The following ZPBP variants were observed in gnomAD, a reference collection of about 807,000 sequenced individuals.
The protein encoded by ZPBP is zona pellucida binding protein.
A neutral mutation model predicts 44.8 loss-of-function variants in ZPBP; 26 were observed. The observed-to-expected ratio is 0.58, with a 90% CI of 0.43 to 0.81. The LOEUF (loss-of-function observed/expected upper bound fraction) is 0.81, where lower values mean the gene tolerates loss of function less well. Ranked by LOEUF, ZPBP falls within the 30% of genes least tolerant of loss-of-function variation. The pLI is 0.00. For synonymous variants in ZPBP, 174 were observed against 153.2 expected (o/e 1.14, Z -1.00); for missense variants, 409 against 434.0 (o/e 0.94, Z 0.51).
At chr7:50,077,804 T>C (rs537413533) in intron 3 of ZPBP, among the ~76,000 whole-genome samples, 1 of 152,038 alleles carries the variant, frequency 6.6e-6, no homozygotes, top group Non-Finnish European at 1.5e-5. Flanking sequence ...GAATGTAAAC[T>C]AGTACAACCA....
intron 1 of ZPBP, among the ~76,000 whole-genome samples, chr7:49,922,820 G>A (rs181880235): frequency 3.9e-5 from 6 of 152,210 alleles, no homozygotes; most frequent in Non-Finnish European, 7.4e-5. Context: ...ACAACAATAG[G>A]TTCAGAATCA....
intron 7 of ZPBP, among the ~76,000 whole-genome samples, chr7:49,942,088 C>A (rs1437839745): frequency 1.3e-5 from 2 of 152,018 alleles, no homozygotes; most frequent in Non-Finnish European, 2.9e-5. Context: ...GATTCTTAGA[C>A]CATATACAAA....
At chr7:49,957,002 G>A (rs1302990440) in intron 7 of ZPBP, among the ~76,000 whole-genome samples, 1 of 152,150 alleles carries the variant, frequency 6.6e-6, no homozygotes, top group Non-Finnish European at 1.5e-5. Context: ...AGATCCTTAA[G>A]AGGTGATTAG....
At chr7:49,981,341 T>C (rs1796881034) in intron 7 of ZPBP, among the ~76,000 whole-genome samples, 2 of 27,824 alleles carry the variant, frequency 7.2e-5, no homozygotes, top group African/African-American at 3.8e-4. Context: ...TAATTATATA[T>C]ATTATATAAT....
At chr7:49,985,810 C>A (rs773129850) in intron 6 of ZPBP, among the ~76,000 whole-genome samples, 1 of 152,174 alleles carries the variant, frequency 6.6e-6, no homozygotes, top group African/African-American at 2.4e-5. Context: ...CTTGTCTGCA[C>A]ATGCTGGCAA....
intron 1 of ZPBP, 73 bp downstream of exon 1, chr7:50,092,995 G>A (rs1562624740): frequency 6.4e-7 from 1 of 1,550,668 alleles, no homozygotes; most frequent in East Asian, 2.4e-5. Flanking sequence ...CGTGACACAA[G>A]AAAAGGCAAT....
intron 2 of ZPBP, among the ~76,000 whole-genome samples, chr7:49,890,367 CA>C (rs1283071844): frequency 6.6e-6 from 1 of 152,050 alleles, no homozygotes; most frequent in Non-Finnish European, 1.5e-5. Flanking sequence ...AGAACTTGTT[CA>C]AAAACAGGGA....
At position 50,093,228 on chromosome 7, in the gene ZPBP, C is replaced by G; in HGVS notation, c.-34G>C. On this transcript the variant is annotated 5_prime_UTR_variant, in exon 1 of 8. Transcript: ENST00000046087. ...CGCCGTCGCCTGCCCACCGTCCGCG[C>G]GGAAGGTCGTTAGGCAACGCGCGCC... is the stretch of plus-strand genomic sequence containing the variant. 1 of 1,497,776 alleles carries G rather than the reference C, an allele frequency of 6.7e-7. No individual in the cohort carries two copies. Among genetic ancestry groups the G allele is most frequent in the South Asian group, 1.3e-5 (1 of 78,090 alleles). The allele number at this position is 1,497,776 out of a possible 1,614,324, so 92.8% of individuals were successfully genotyped here.
intron 7 of ZPBP, among the ~76,000 whole-genome samples, chr7:49,975,743 T>G (rs2128773030): frequency 6.6e-6 from 1 of 152,320 alleles, no homozygotes; most frequent in South Asian, 2.1e-4. Flanking sequence ...CATACTAATC[T>G]AATTCCTTCA....
At chr7:49,978,605 A>AT (rs1307956153) in intron 7 of ZPBP, among the ~76,000 whole-genome samples, 2 of 152,020 alleles carry the variant, frequency 1.3e-5, no homozygotes, top group Non-Finnish European at 2.9e-5. Context: ...TAAACATGGT[A>AT]TATCATTTTA....
chr7:49,910,935 C>T (rs1715529911), intron 1 of ZPBP, among the ~76,000 whole-genome samples: 1 of 152,176 alleles, frequency 6.6e-6, no homozygotes, highest in South Asian at 2.1e-4. Context: ...CAACAGCCCT[C>T]CAGGCCATTG....
intron 7 of ZPBP, chr7:49,942,229 C>T (rs1391002448): frequency 5.8e-6 from 1 of 171,288 alleles, no homozygotes; most frequent in African/African-American, 2.4e-5. Flanking sequence ...TTGTATAATA[C>T]ACAACCTTTT....
intron 7 of ZPBP, among the ~76,000 whole-genome samples, chr7:49,966,614 T>A (rs1404226331): frequency 6.6e-6 from 1 of 152,114 alleles, no homozygotes; most frequent in East Asian, 1.9e-4. Context: ...AAAAATTAAG[T>A]GAAATTATTA....
intron 2 of ZPBP, among the ~76,000 whole-genome samples, chr7:49,890,664 G>A (rs1278462839): frequency 6.6e-6 from 1 of 151,658 alleles, no homozygotes; most frequent in African/African-American, 2.4e-5. Context: ...GTGCATGAGA[G>A]TAACTCCCAC....
At chr7:49,999,787 GA>G (rs1562834694) in intron 6 of ZPBP, among the ~76,000 whole-genome samples, 1 of 152,046 alleles carries the variant, frequency 6.6e-6, no homozygotes, top group Admixed American at 6.6e-5. Context: ...TTACTCAGTC[GA>G]ACAATTCAAA....
At chr7:49,923,419 T>C (rs1026541042) in intron 1 of ZPBP, among the ~76,000 whole-genome samples, 1 of 152,240 alleles carries the variant, frequency 6.6e-6, no homozygotes, top group African/African-American at 2.4e-5. Flanking sequence ...ATCTTTAATA[T>C]GCTGAATGAA....
At chr7:50,027,025 C>T (rs1580403) in intron 5 of ZPBP, among the ~76,000 whole-genome samples, 117,424 of 151,760 alleles carry the variant, frequency 0.77, 45,524 homozygotes, top group East Asian at 0.87. Flanking sequence ...AAAGTGAACA[C>T]GGAACGTTAA....
At chr7:50,046,158 A>G (rs1209289024) in intron 4 of ZPBP, among the ~76,000 whole-genome samples, 1 of 152,240 alleles carries the variant, frequency 6.6e-6, no homozygotes, top group Non-Finnish European at 1.5e-5. Flanking sequence ...AAGATGGATT[A>G]AAGACTTAAA....
the ZPBP span, among the ~76,000 whole-genome samples, chr7:49,842,925 G>T: frequency 9.2e-5 from 14 of 152,102 alleles, no homozygotes; most frequent in African/African-American, 3.4e-4. Context: ...AGATTCAGAA[G>T]AATACATGTG....
Sources: gnomAD v4.1 joint callset for allele counts (sites outside exome capture counted in the v4.1 genomes callset) on GRCh38, gnomAD v4.1.1 for gene constraint, MANE v1.5 for transcripts, NCBI Gene and HGNC (gene_info 2026-07-23, HGNC 2026-07-21) for gene names.